The following CCNB3 variants were observed in gnomAD, a reference collection of about 807,000 sequenced individuals.
CCNB3 encodes G2/mitotic-specific cyclin-B3.
A neutral mutation model predicts 68.0 loss-of-function variants in CCNB3; 12 were observed. The ratio of observed to expected loss-of-function variants is 0.18; its 90% CI spans 0.11 to 0.29. The LOEUF is 0.29. Ranked by LOEUF, CCNB3 falls within the 10% of genes least tolerant of loss-of-function variation. The pLI is 1.00. For missense variants in CCNB3, 904 were observed against 993.1 expected (o/e 0.91, Z 1.21); for synonymous variants, 354 against 388.9 (o/e 0.91, Z 1.06).
intron 7 of CCNB3, 84 bp downstream of exon 7, chrX:50,312,716 G>C: frequency 1.7e-6 from 1 of 600,331 alleles, no homozygotes; most frequent in Non-Finnish European, 2.7e-6. Context: ...GTTGAAAGGG[G>C]TGGTAATAAT....
At chrX:50,334,090 G>C (rs1488183092) in intron 8 of CCNB3, among the ~76,000 whole-genome samples, 1 of 112,561 alleles carries the variant, frequency 8.9e-6, no homozygotes, top group African/African-American at 3.2e-5. Context: ...CTTCTGGGCT[G>C]AAGTGCCCTG....
At position 50,351,136 on chromosome X, in the gene CCNB3, A is replaced by T. The variant is rs1923658399; in HGVS notation, c.3961-105A>T. Reference sequence around the variant, plus strand: ...GAGTCTTTGAAATGTTTTGAATGTCATCTCTGTTTAAACCATGTGTGGGAA... The same window carrying T: ...GAGTCTTTGAAATGTTTTGAATGTCTTCTCTGTTTAAACCATGTGTGGGAA... On this transcript the variant is annotated intron_variant, in intron 11 of 12. Coordinates refer to ENST00000376042, the MANE Select transcript of CCNB3 (RefSeq NM_033031.3). 1.7e-5 allele frequency: 15 copies of T among 894,004 alleles called. No homozygotes were observed. In the South Asian group the frequency reaches 3.5e-4, roughly 21 times the overall value. The allele number at this position is 894,004 out of a possible 1,213,427, so 73.7% of individuals were successfully genotyped here. A position where few individuals can be genotyped will look rare whatever the true frequency, so the allele number is the denominator to read the frequency against.
intron 7 of CCNB3, among the ~76,000 whole-genome samples, chrX:50,313,031 TC>T (rs1456919518): frequency 9.0e-6 from 1 of 111,264 alleles, no homozygotes; most frequent in Non-Finnish European, 1.9e-5. Flanking sequence ...TTCTTAGAGA[TC>T]TTTTTCCTTC....
chrX:50,309,616 C>G lies in CCNB3; in HGVS notation c.1447C>G (p.Pro483Ala). ...AAAGAAGTGTACCATTGAGGAGGCA[C>G]CCCCCACCAAGAAGCCTTTAATTTT... ...FTKKCTIEEA[P>A]PTKKPLILKR... Residue 483 changes from proline to alanine, a missense_variant, in exon 6 of 13, where the codon CCC (proline) becomes GCC (alanine). Transcript: ENST00000376042. The G allele has an allele frequency of 8.3e-7, 1 of 1,209,681 alleles. No individual in the cohort carries two copies. The highest frequency in any genetic ancestry group is 1.8e-5 in the South Asian group (1 of 56,811).
At chrX:50,327,334 A>G (rs1312301213) in intron 8 of CCNB3, among the ~76,000 whole-genome samples, 16 of 112,646 alleles carry the variant, frequency 1.4e-4, no homozygotes, top group Middle Eastern at 4.2e-3. Context: ...CACAAGAAGG[A>G]TTAGACTTGT....
intron 8 of CCNB3, among the ~76,000 whole-genome samples, chrX:50,339,341 G>A (rs782319768): frequency 8.9e-6 from 1 of 112,222 alleles, no homozygotes; most frequent in Non-Finnish European, 1.9e-5. Flanking sequence ...GAGACAAATC[G>A]TTGCATTCTT....
At chrX:50,295,636 T>C (rs782321025) in intron 5 of CCNB3, among the ~76,000 whole-genome samples, 5 of 111,790 alleles carry the variant, frequency 4.5e-5, no homozygotes, top group Non-Finnish European at 9.4e-5. Context: ...AAGTCAATCA[T>C]GTTGCCTTAT....
chrX:50,303,073 C>G (rs1484664754), intron 5 of CCNB3, among the ~76,000 whole-genome samples: 1 of 111,120 alleles, frequency 9.0e-6, no homozygotes, highest in African/African-American at 3.3e-5. Flanking sequence ...TTTTACATTT[C>G]CTCCAGCAGT....
At chrX:50,332,059 G>A (rs1425850754) in intron 8 of CCNB3, among the ~76,000 whole-genome samples, 2 of 111,638 alleles carry the variant, frequency 1.8e-5, no homozygotes, top group Non-Finnish European at 1.9e-5. Context: ...CTTATTTTCA[G>A]TCATATAGCC....
intron 8 of CCNB3, among the ~76,000 whole-genome samples, chrX:50,324,944 T>C (rs1282854165): frequency 2.7e-5 from 3 of 111,224 alleles, no homozygotes; most frequent in African/African-American, 6.5e-5. Context: ...ATTATAAATT[T>C]CTAGAGGTAT....
intron 8 of CCNB3, among the ~76,000 whole-genome samples, chrX:50,325,974 G>T (rs1557217250): frequency 9.1e-6 from 1 of 110,336 alleles, no homozygotes; most frequent in Non-Finnish European, 1.9e-5. Context: ...AGCTTTTAAT[G>T]GGTGTGGGTT....
At chrX:50,281,676 G>A (rs1936139379) in intron 1 of CCNB3, among the ~76,000 whole-genome samples, 1 of 111,626 alleles carries the variant, frequency 9.0e-6, no homozygotes, top group Non-Finnish European at 1.9e-5. Context: ...ATGAGACTGG[G>A]TCCCAGCTTT....
intron 8 of CCNB3, among the ~76,000 whole-genome samples, chrX:50,333,668 C>A (rs1279917459): frequency 9.0e-6 from 1 of 111,409 alleles, no homozygotes; most frequent in Non-Finnish European, 1.9e-5. Context: ...CCTTTTATTA[C>A]TTACCCCCCT....
At chrX:50,226,235 T>TA (rs1341624190) in intron 1 of CCNB3, among the ~76,000 whole-genome samples, 23 of 61,012 alleles carry the variant, frequency 3.8e-4, no homozygotes, top group Non-Finnish European at 3.9e-4. Context: ...ATATATATAT[T>TA]TATATATATA....
At chrX:50,228,432 A>G (rs933561372) in intron 1 of CCNB3, among the ~76,000 whole-genome samples, 7 of 92,809 alleles carry the variant, frequency 7.5e-5, no homozygotes, top group Non-Finnish European at 1.3e-4. Context: ...GAATATATAT[A>G]GAGGATATAG....
chrX:50,280,231 A>G (rs1325554997), intron 1 of CCNB3, among the ~76,000 whole-genome samples: 82 of 85,376 alleles, frequency 9.6e-4, no homozygotes, highest in African/African-American at 4.1e-3. Context: ...ATATAAATAT[A>G]TGTATAGAAT....
chrX:50,228,458 A>G lies in CCNB3; in HGVS notation c.-113+23508A>G, dbSNP rs942216229. ...GAGGATATAGCTATATAGAATATAT[A>G]TAGAGGATATATCTATATAGAATAT... On this transcript the variant is annotated intron_variant, in intron 1 of 12. Transcript: ENST00000376042. Among the ~76,000 whole-genome samples, 493 of 92,242 alleles carry G rather than the reference A, an allele frequency of 5.3e-3. 2 individuals carry two copies. Among genetic ancestry groups the G allele is most frequent in the Non-Finnish European group, 7.4e-3 (354 of 47,805 alleles). The allele number at this position is 92,242 out of a possible 115,157, so 80.1% of individuals were successfully genotyped here.
chrX:50,293,672 A>G (rs1222029436), intron 4 of CCNB3, among the ~76,000 whole-genome samples: 2 of 111,561 alleles, frequency 1.8e-5, no homozygotes, highest in Non-Finnish European at 3.8e-5. Flanking sequence ...AATACAGCTA[A>G]AAGAGTTTCA....
At chrX:50,293,369 C>G (rs1361794350) in intron 4 of CCNB3, among the ~76,000 whole-genome samples, 1 of 110,133 alleles carries the variant, frequency 9.1e-6, no homozygotes, top group African/African-American at 3.3e-5. Flanking sequence ...CTCTCCTTCA[C>G]TTCCACTCAA....
Sources: gnomAD v4.1 joint callset for allele counts (sites outside exome capture counted in the v4.1 genomes callset) on GRCh38, gnomAD v4.1.1 for gene constraint, MANE v1.5 for transcripts, NCBI Gene and HGNC (gene_info 2026-07-23, HGNC 2026-07-21) for gene names.